NCAM2: variants seen among roughly 807,000 people sequenced by gnomAD.
NCAM2 encodes the protein neural cell adhesion molecule 2, also known as N-CAM-2.
Under a neutral mutation model 98.1 loss-of-function variants are expected in NCAM2, and 30 were observed. That is an observed-to-expected ratio of 0.31 (90% CI 0.23 to 0.41). The LOEUF (loss-of-function observed/expected upper bound fraction) is 0.41, where lower values mean the gene tolerates loss of function less well. NCAM2 is among the 10% of genes least tolerant of loss of function. The pLI, the probability that NCAM2 is intolerant of heterozygous loss-of-function variation, is 1.00. For synonymous variants in NCAM2, 368 were observed against 342.4 expected (o/e 1.07, Z -0.83); for missense variants, 867 against 1,005.8 (o/e 0.86, Z 1.87).
rs1001019475 is a variant in NCAM2 at position 21,538,654 on chromosome 21, A to G, written c.*697A>G. On this transcript the variant is annotated 3_prime_UTR_variant, in exon 18 of 18. Transcript: ENST00000400546. ...GATTAGAAAGACTTTCTAAATCTCT[A>G]TCTCTTTATATATGTCCTATTCATT... 1 of 152,142 alleles carries G rather than the reference A, an allele frequency of 6.6e-6. No homozygotes were observed. The highest frequency in any genetic ancestry group is 1.5e-5 in the Non-Finnish European group (1 of 67,996). The allele number at this position is 152,142 out of a possible 1,614,324, so 9.4% of individuals were successfully genotyped here.
In NCAM2 at chr21:21,432,196, A is replaced by G; in HGVS notation, c.1569A>G (p.Gly523=). Residue 523 remains glycine (G), a synonymous_variant, in exon 12 of 18, where the codon GGA becomes GGG. Coordinates refer to ENST00000400546, the MANE Select transcript of NCAM2 (RefSeq NM_004540.5). ...KVSFNKPDSH[G]GVPIHHYQVD... ...CCTTCAACAAACCGGACTCCCATGG[A>G]GGTGTACCTATTCATCACTATCAGG... 6.2e-7 allele frequency: 1 copy of G among 1,614,088 alleles called. No individual in the cohort carries two copies. Among genetic ancestry groups the G allele is most frequent in the Non-Finnish European group, 8.5e-7 (1 of 1,179,994 alleles).
chr21:21,075,356 CAAAG>C (rs1453320846), intron 1 of NCAM2, among the ~76,000 whole-genome samples: 1 of 152,070 alleles, frequency 6.6e-6, no homozygotes, highest in Non-Finnish European at 1.5e-5. Context: ...AAAGGAAAAA[CAAAG>C]AAATACAGTT....
At chr21:21,081,963 C>A (rs1004384144) in intron 1 of NCAM2, among the ~76,000 whole-genome samples, 1 of 151,622 alleles carries the variant, frequency 6.6e-6, no homozygotes, top group Non-Finnish European at 1.5e-5. Flanking sequence ...TTGGGCCGGG[C>A]GCGGTGGCTC....
intron 9 of NCAM2, among the ~76,000 whole-genome samples, chr21:21,403,401 C>G (rs1441697114): frequency 1.3e-5 from 2 of 152,142 alleles, no homozygotes; most frequent in East Asian, 3.9e-4. Context: ...ATGAAATAAA[C>G]TACCAGTGAT....
intron 1 of NCAM2, among the ~76,000 whole-genome samples, chr21:21,246,998 A>G (rs1241755170): frequency 2.1e-5 from 3 of 145,062 alleles, no homozygotes; most frequent in African/African-American, 7.7e-5. Flanking sequence ...CTGTCTCTGT[A>G]GTCTGTCTCA....
intron 1 of NCAM2, among the ~76,000 whole-genome samples, chr21:21,101,035 C>G (rs199794333): frequency 0.12 from 1 of 8 alleles, no homozygotes; most frequent in East Asian, 0.5. Flanking sequence ...TGAGGACACA[C>G]CTGTGTATGT....
At chr21:21,307,143 G>T (rs969518793) in intron 5 of NCAM2, among the ~76,000 whole-genome samples, 2 of 151,892 alleles carry the variant, frequency 1.3e-5, no homozygotes, top group African/African-American at 4.8e-5. Context: ...GATGTAATTG[G>T]GTTTAAGCCT....
intron 1 of NCAM2, among the ~76,000 whole-genome samples, chr21:21,246,395 T>C (rs1247192038): frequency 1.3e-5 from 2 of 152,086 alleles, no homozygotes; most frequent in African/African-American, 4.8e-5. Context: ...ATAGCAGAAA[T>C]AGATAATATA....
chr21:21,178,230 T>G (rs1253894911), intron 1 of NCAM2, among the ~76,000 whole-genome samples: 1 of 152,152 alleles, frequency 6.6e-6, no homozygotes, highest in East Asian at 1.9e-4. Flanking sequence ...ATCTATATTT[T>G]TATTCCTTAT....
intron 8 of NCAM2, among the ~76,000 whole-genome samples, chr21:21,350,517 T>C (rs990320119): frequency 6.6e-6 from 1 of 152,156 alleles, no homozygotes; most frequent in African/African-American, 2.4e-5. Flanking sequence ...ATTCTACTGG[T>C]TTCTGATGCT....
chr21:21,027,239 G>C (rs1362252814), intron 1 of NCAM2, among the ~76,000 whole-genome samples: 2 of 151,996 alleles, frequency 1.3e-5, no homozygotes, highest in Non-Finnish European at 2.9e-5. Context: ...GGCTATCTGG[G>C]GTATTAATTT....
chr21:21,057,295 G>A (rs1305855180), intron 1 of NCAM2, among the ~76,000 whole-genome samples: 1 of 152,060 alleles, frequency 6.6e-6, no homozygotes, highest in Admixed American at 6.6e-5. Context: ...CAAATACAAA[G>A]AAACTATTGA....
At chr21:21,182,403 T>C (rs1353313013) in intron 1 of NCAM2, among the ~76,000 whole-genome samples, 2 of 152,112 alleles carry the variant, frequency 1.3e-5, no homozygotes, top group Non-Finnish European at 2.9e-5. Flanking sequence ...ATGGTTAAGG[T>C]TGAGTGTGGT....
chr21:21,200,409 G>GAAAA (rs34019227), intron 1 of NCAM2, among the ~76,000 whole-genome samples: 4 of 134,802 alleles, frequency 3.0e-5, no homozygotes, highest in Non-Finnish European at 3.0e-5. Flanking sequence ...CCCCATGCCT[G>GAAAA]AAAAAAAAAA....
chr21:21,475,527 G>GC (rs1985055051), intron 14 of NCAM2, among the ~76,000 whole-genome samples: 1 of 152,160 alleles, frequency 6.6e-6, no homozygotes, highest in Non-Finnish European at 1.5e-5. Flanking sequence ...TAGCATAGCT[G>GC]CCCTAAGCAT....
chr21:21,227,572 A>T (rs758114242), intron 1 of NCAM2, among the ~76,000 whole-genome samples: 7 of 151,852 alleles, frequency 4.6e-5, no homozygotes, highest in African/African-American at 7.2e-5. Context: ...TTTTTCATAG[A>T]ACATGAGCTT....
chr21:21,275,519 C>CCATTT (rs1407587695), intron 1 of NCAM2, among the ~76,000 whole-genome samples: 12 of 151,484 alleles, frequency 7.9e-5, no homozygotes, highest in African/African-American at 2.9e-4. Context: ...TATATTTTCC[C>CCATTT]CTCCATTAAC....
At chr21:21,240,542 ACT>A (rs2071027234) in intron 1 of NCAM2, among the ~76,000 whole-genome samples, 1 of 152,000 alleles carries the variant, frequency 6.6e-6, no homozygotes, top group Admixed American at 6.6e-5. Flanking sequence ...CTTAACCCAG[ACT>A]CTGGTTCTGA....
At chr21:21,425,983 G>A (rs1172140753) in intron 11 of NCAM2, among the ~76,000 whole-genome samples, 4 of 152,124 alleles carry the variant, frequency 2.6e-5, no homozygotes, top group African/African-American at 9.6e-5. Flanking sequence ...ATCAGATTTG[G>A]TTTTTGGTGT....
Sources: allele counts gnomAD v4.1 joint callset (sites outside exome capture counted in the v4.1 genomes callset), GRCh38; gene constraint gnomAD v4.1.1; transcripts MANE v1.5; gene names NCBI Gene and HGNC (gene_info 2026-07-23, HGNC 2026-07-21).